TYW1: variants seen among roughly 807,000 people sequenced by gnomAD.
The protein encoded by TYW1 is S-adenosyl-L-methionine-dependent tRNA 4-demethylwyosine synthase TYW1.
A neutral mutation model predicts 96.2 loss-of-function variants in TYW1; 46 were observed. The observed-to-expected ratio is 0.48, with a 90% confidence interval of 0.38 to 0.61. The LOEUF (loss-of-function observed/expected upper bound fraction) is 0.61, where lower values mean the gene tolerates loss of function less well. Ranked by LOEUF, TYW1 falls within the 20% of genes least tolerant of loss-of-function variation. The pLI, the probability that TYW1 is intolerant of heterozygous loss-of-function variation, is 0.00. For missense variants in TYW1, 684 were observed against 909.6 expected (o/e 0.75, Z 3.19); for synonymous variants, 274 against 323.0 (o/e 0.85, Z 1.63).
chr7:67,086,892 A>T lies in TYW1; in HGVS notation c.1384+3353A>T, dbSNP rs576291140. 3.3e-5 allele frequency among the ~76,000 whole-genome samples: 5 copies of T among 152,136 alleles called. 1 individual carries two copies. The highest frequency in any genetic ancestry group is 1.2e-4 in the African/African-American group (5 of 41,430). On this transcript the variant is annotated intron_variant, in intron 11 of 15. Coordinates refer to ENST00000359626, the MANE Select transcript of TYW1 (RefSeq NM_018264.4). ...AATATCAGAAGCAGGAAATGCCAGT[A>T]CTTTTATTTTTATATGAAGTTGATT... is the stretch of plus-strand genomic sequence containing the variant.
intron 2 of TYW1, among the ~76,000 whole-genome samples, 185 bp from the exon 3 acceptor site, chr7:66,998,632 A>C (rs1468144189): frequency 6.6e-6 from 1 of 152,224 alleles, no homozygotes; most frequent in South Asian, 2.1e-4. Context: ...CCTGCCTATT[A>C]AAGGACCTTA....
chr7:67,147,962 C>A (rs1312307342), intron 13 of TYW1, among the ~76,000 whole-genome samples: 1 of 150,840 alleles, frequency 6.6e-6, no homozygotes, highest in Non-Finnish European at 1.5e-5. Context: ...AAAAAGAAAC[C>A]CAAATATTTG....
At chr7:67,207,286 A>G (rs1205977600) in intron 15 of TYW1, among the ~76,000 whole-genome samples, 3 of 152,088 alleles carry the variant, frequency 2.0e-5, no homozygotes, top group Admixed American at 2.0e-4. Flanking sequence ...CCTTTCCTTC[A>G]TCCGCTTTCC....
chr7:67,093,543 C>A (rs2686994), intron 11 of TYW1, among the ~76,000 whole-genome samples: 3 of 151,988 alleles, frequency 2.0e-5, no homozygotes, highest in African/African-American at 7.3e-5. Context: ...GCTCATGGTG[C>A]GGATTATAGT....
At chr7:67,102,637 T>C (rs9942576) in intron 12 of TYW1, among the ~76,000 whole-genome samples, 2,622 of 152,074 alleles carry the variant, frequency 0.017, 72 homozygotes, top group African/African-American at 0.059. Flanking sequence ...GCTTAGGAAA[T>C]AGAGGTTACA....
chr7:67,033,053 C>A (rs1302034158), intron 7 of TYW1, among the ~76,000 whole-genome samples: 1 of 151,546 alleles, frequency 6.6e-6, no homozygotes, highest in Non-Finnish European at 1.5e-5. Context: ...CGTACCACCA[C>A]GCCCGGCTAA....
intron 15 of TYW1, among the ~76,000 whole-genome samples, chr7:67,229,027 A>AT (rs1346047211): frequency 1.3e-5 from 2 of 152,078 alleles, no homozygotes; most frequent in African/African-American, 4.8e-5. Flanking sequence ...TTTGGTTATT[A>AT]TTTTCTGAGA....
At chr7:67,216,655 G>A (rs112925672) in intron 15 of TYW1, among the ~76,000 whole-genome samples, 6 of 139,078 alleles carry the variant, frequency 4.3e-5, no homozygotes, top group South Asian at 2.3e-4. Flanking sequence ...AGTTGATTAC[G>A]TTGCTCATAA....
intron 10 of TYW1, among the ~76,000 whole-genome samples, chr7:67,077,884 C>G (rs976795791): frequency 1.3e-5 from 2 of 152,100 alleles, no homozygotes; most frequent in African/African-American, 2.4e-5. Context: ...TCAGGTCTTA[C>G]GTTTATGTCG....
At chr7:67,060,768 A>G (rs1370073706) in intron 9 of TYW1, among the ~76,000 whole-genome samples, 4 of 152,240 alleles carry the variant, frequency 2.6e-5, no homozygotes, top group African/African-American at 9.6e-5. Context: ...TCTCATTATG[A>G]TATGAAGTTC....
chr7:67,171,697 A>G (rs1799518792), intron 13 of TYW1, among the ~76,000 whole-genome samples: 1 of 152,118 alleles, frequency 6.6e-6, no homozygotes, highest in Non-Finnish European at 1.5e-5. Flanking sequence ...GAATTGTTAC[A>G]TATTTTGGGT....
chr7:67,120,232 C>T (rs1439255043), intron 13 of TYW1, among the ~76,000 whole-genome samples: 4 of 152,038 alleles, frequency 2.6e-5, no homozygotes, highest in Non-Finnish European at 5.9e-5. Flanking sequence ...CAGGTGTGTA[C>T]CACCATGCCC....
At chr7:67,027,425 A>G (rs570741183) in intron 7 of TYW1, among the ~76,000 whole-genome samples, 1 of 152,298 alleles carries the variant, frequency 6.6e-6, no homozygotes, top group East Asian at 1.9e-4. Context: ...ACATGACCAT[A>G]GTAGAATCAG....
intron 13 of TYW1, among the ~76,000 whole-genome samples, chr7:67,134,660 C>T (rs1798187332): frequency 1.3e-5 from 2 of 151,704 alleles, no homozygotes; most frequent in South Asian, 2.1e-4. Flanking sequence ...GGCCAGGAAG[C>T]GGAAGCTGTC....
intron 13 of TYW1, among the ~76,000 whole-genome samples, chr7:67,140,536 T>C (rs188799824): frequency 2.0e-5 from 3 of 151,882 alleles, no homozygotes; most frequent in Non-Finnish European, 4.4e-5. Context: ...TATAAGCCAA[T>C]AGAAAATAAG....
At chr7:67,038,057 T>C (rs1288442232) in intron 7 of TYW1, among the ~76,000 whole-genome samples, 4 of 152,118 alleles carry the variant, frequency 2.6e-5, no homozygotes, top group Non-Finnish European at 5.9e-5. Flanking sequence ...TCCCAGTACT[T>C]TGGGAGGCCG....
At chr7:67,053,006 G>A (rs563720998) in intron 8 of TYW1, among the ~76,000 whole-genome samples, 1 of 150,652 alleles carries the variant, frequency 6.6e-6, no homozygotes, top group South Asian at 2.1e-4. Context: ...CTCCCAAACT[G>A]TTGGGATTAC....
chr7:67,060,949 G>A (rs1206017151), intron 9 of TYW1, among the ~76,000 whole-genome samples: 3 of 151,998 alleles, frequency 2.0e-5, no homozygotes, highest in South Asian at 2.1e-4. Context: ...AGTTTCAGCC[G>A]GGCACCAGTT....
At chr7:67,049,541 A>G (rs182983651) in intron 7 of TYW1, among the ~76,000 whole-genome samples, 2 of 151,972 alleles carry the variant, frequency 1.3e-5, no homozygotes, top group Admixed American at 6.6e-5. Flanking sequence ...TTTTTTTTAA[A>G]TTATTTATAA....
Sources: allele counts gnomAD v4.1 joint callset (sites outside exome capture counted in the v4.1 genomes callset), GRCh38; gene constraint gnomAD v4.1.1; transcripts MANE v1.5; gene names NCBI Gene and HGNC (gene_info 2026-07-23, HGNC 2026-07-21).